The following CYFIP2 variants were observed in gnomAD, a reference collection of about 807,000 sequenced individuals.
CYFIP2 encodes cytoplasmic FMR1-interacting protein 2.
CYFIP2 carries 29 observed loss-of-function variants against 158.7 expected under a neutral mutation model. That is an observed-to-expected ratio of 0.18 (90% CI 0.14 to 0.25). CYFIP2 has a LOEUF of 0.25. Among genes scored for constraint, CYFIP2 ranks in the 10% least tolerant of loss-of-function variants. The pLI is 1.00. For synonymous variants in CYFIP2, 585 were observed against 617.6 expected (o/e 0.95, Z 0.78); for missense variants, 852 against 1,639.5 (o/e 0.52, Z 8.29).
At chr5:157,331,466 C>A (rs541066051) in intron 20 of CYFIP2, among the ~76,000 whole-genome samples, 1 of 150,860 alleles carries the variant, frequency 6.6e-6, no homozygotes, top group Admixed American at 6.6e-5. Flanking sequence ...GGCCTTTATG[C>A]TGTGACGTCT....
intron 23 of CYFIP2, among the ~76,000 whole-genome samples, chr5:157,353,107 T>C (rs1460904278): frequency 6.6e-6 from 1 of 152,192 alleles, no homozygotes; most frequent in Non-Finnish European, 1.5e-5. Context: ...AGAGAATACA[T>C]TGCTGTTGTT....
chr5:157,378,158 G>A (rs1341970520), intron 26 of CYFIP2, among the ~76,000 whole-genome samples: 4 of 151,976 alleles, frequency 2.6e-5, no homozygotes, highest in Non-Finnish European at 5.9e-5. Flanking sequence ...TGACGTGAGT[G>A]GTCTAATTAT....
intron 1 of CYFIP2, among the ~76,000 whole-genome samples, chr5:157,280,708 A>G (rs1756929735): frequency 6.6e-6 from 1 of 152,074 alleles, no homozygotes; most frequent in Admixed American, 6.5e-5. Flanking sequence ...CACACAATCT[A>G]TAGTTACTAA....
chr5:157,367,790 T>C (rs1295500029), intron 26 of CYFIP2, among the ~76,000 whole-genome samples: 4 of 146,132 alleles, frequency 2.7e-5, no homozygotes, highest in African/African-American at 1.0e-4. Context: ...AGTCTCACTC[T>C]GTTGCCCAGG....
chr5:157,342,472 C>T (rs915102585), intron 23 of CYFIP2: 1 of 166,412 alleles, frequency 6.0e-6, no homozygotes, highest in African/African-American at 2.4e-5. Flanking sequence ...TGGACATCTA[C>T]CTTTGCCCAA....
chr5:157,308,850 A>T (rs1759462050), intron 9 of CYFIP2, among the ~76,000 whole-genome samples: 1 of 152,198 alleles, frequency 6.6e-6, no homozygotes, highest in Non-Finnish European at 1.5e-5. Context: ...AGAGAAATAC[A>T]ACCTCTCCCT....
At chr5:157,376,223 T>G (rs1056355562) in intron 26 of CYFIP2, 2 of 152,292 alleles carry the variant, frequency 1.3e-5, no homozygotes, top group African/African-American at 4.8e-5. Context: ...AGGAACTTGG[T>G]GGTGTTTCTC....
intron 23 of CYFIP2, among the ~76,000 whole-genome samples, chr5:157,351,322 T>A (rs1445796149): frequency 6.6e-6 from 1 of 152,254 alleles, no homozygotes; most frequent in African/African-American, 2.4e-5. Context: ...GAGGCTATAA[T>A]GAGCAAAGTT....
chr5:157,332,293 TTAA>T (rs1761522728), intron 20 of CYFIP2, among the ~76,000 whole-genome samples: 1 of 152,274 alleles, frequency 6.6e-6, no homozygotes, highest in Non-Finnish European at 1.5e-5. Context: ...TTTGCAATTA[TTAA>T]TGTTTTACCA....
chr5:157,375,047 GT>G (rs1765331838), intron 26 of CYFIP2, among the ~76,000 whole-genome samples: 1 of 152,218 alleles, frequency 6.6e-6, no homozygotes, highest in Non-Finnish European at 1.5e-5. Context: ...GCCACTTGGA[GT>G]TTTAAAATCA....
At chr5:157,305,846 A>C (rs554026190) in intron 8 of CYFIP2, among the ~76,000 whole-genome samples, 1 of 152,276 alleles carries the variant, frequency 6.6e-6, no homozygotes, top group Admixed American at 6.5e-5. Context: ...CGTCCTTCTA[A>C]GTTTTTTTTC....
chr5:157,289,388 C>T (rs890422439), intron 3 of CYFIP2, among the ~76,000 whole-genome samples: 1 of 152,222 alleles, frequency 6.6e-6, no homozygotes, highest in African/African-American at 2.4e-5. Context: ...AGGGTGTATT[C>T]GTTGGCTTGG....
chr5:157,294,695 A>C, intron 3 of CYFIP2, 88 bp from the exon 4 acceptor site: 2 of 1,070,408 alleles, frequency 1.9e-6, no homozygotes, highest in South Asian at 1.4e-5. Context: ...TCCATGGACC[A>C]TACCATAACT....
At chr5:157,358,942 C>T in intron 23 of CYFIP2, 63 bp from the exon 24 acceptor site, 1 of 1,598,184 alleles carries the variant, frequency 6.3e-7, no homozygotes, top group Non-Finnish European at 8.6e-7. Flanking sequence ...GAACATCTGC[C>T]AGGACTCCAC....
chr5:157,325,392 GACAATA>G (rs1437681858), intron 16 of CYFIP2, 84 bp from the exon 17 acceptor site: 1 of 1,388,902 alleles, frequency 7.2e-7, no homozygotes, highest in East Asian at 2.5e-5. Flanking sequence ...CTAACACAGT[GACAATA>G]ACAATGAAAA....
chr5:157,270,939 A>G (rs1014514573), intron 1 of CYFIP2, among the ~76,000 whole-genome samples: 2 of 152,242 alleles, frequency 1.3e-5, no homozygotes, highest in African/African-American at 4.8e-5. Context: ...GGTCAAACTC[A>G]GATAAGATGA....
At chr5:157,293,379 G>A (rs1757990746) in intron 3 of CYFIP2, among the ~76,000 whole-genome samples, 1 of 152,154 alleles carries the variant, frequency 6.6e-6, no homozygotes, top group South Asian at 2.1e-4. Context: ...TTCGGACCTT[G>A]AGTTTAGGTC....
At chr5:157,346,345 G>A (rs1202648185) in intron 23 of CYFIP2, among the ~76,000 whole-genome samples, 1 of 152,172 alleles carries the variant, frequency 6.6e-6, no homozygotes, top group Non-Finnish European at 1.5e-5. Flanking sequence ...GATGTGACCT[G>A]ATTTAGAAAT....
chr5:157,354,269 G>T (rs1256694473), intron 23 of CYFIP2, among the ~76,000 whole-genome samples: 1 of 152,058 alleles, frequency 6.6e-6, no homozygotes, highest in African/African-American at 2.4e-5. Flanking sequence ...AATTTTAAGT[G>T]AGCCATCCTA....
Sources: allele counts gnomAD v4.1 joint callset (sites outside exome capture counted in the v4.1 genomes callset), GRCh38; gene constraint gnomAD v4.1.1; transcripts MANE v1.5; gene names NCBI Gene and HGNC (gene_info 2026-07-23, HGNC 2026-07-21).